CHST12: variants seen among roughly 807,000 people sequenced by gnomAD.
The protein encoded by CHST12 is carbohydrate (chondroitin 4) sulfotransferase 12.
CHST12 carries 23 observed loss-of-function variants against 27.9 expected under a neutral mutation model. That is an observed-to-expected ratio of 0.82 (90% CI 0.59 to 1.17). The LOEUF is 1.17. Ranked by LOEUF, CHST12 falls within the 50% of genes most tolerant of loss-of-function variation. The pLI, the probability that CHST12 is intolerant of heterozygous loss-of-function variation, is 0.00. For synonymous variants in CHST12, 322 were observed against 273.0 expected (o/e 1.18, Z -1.77); for missense variants, 682 against 603.0 (o/e 1.13, Z -1.37).
At chr7:2,406,134 G>T (rs879506396) in intron 1 of CHST12, among the ~76,000 whole-genome samples, 2 of 151,934 alleles carry the variant, frequency 1.3e-5, no homozygotes, top group African/African-American at 4.8e-5. Context: ...CTTGAGTTTC[G>T]ATTCTTAAGT....
rs551698446 is a variant in CHST12 at position 2,409,234 on chromosome 7, T to TCC, written c.-78+5562_-78+5563insCC. 1.9e-3 allele frequency among the ~76,000 whole-genome samples: 284 copies of TCC among 152,288 alleles called. 1 individual carries two copies. Among genetic ancestry groups the TCC allele is most frequent in the Middle Eastern group, 3.4e-3 (1 of 294 alleles). The stretch of plus-strand genomic sequence containing the variant: ...GAGGAGAGCGCTGCATTTTCGCCTG[T>TCC]CGCCTTGGGAAGTCAGTCGCTAATG... On this transcript the variant is annotated intron_variant, in intron 1 of 1. Transcript: ENST00000618655.
chr7:2,432,617 G>C lies in CHST12; in HGVS notation c.-23G>C. On this transcript the variant is annotated 5_prime_UTR_variant, in exon 2 of 2. Coordinates refer to ENST00000618655, the MANE Select transcript of CHST12 (RefSeq NM_018641.5). ...GAAGCTGAAGTGAGAGGCCCGGAGAGGGCCCAGCCCGCCCGGGGCAGGATG... is the reference window on the plus strand; with the variant it reads ...GAAGCTGAAGTGAGAGGCCCGGAGACGGCCCAGCCCGCCCGGGGCAGGATG... 6.3e-7 allele frequency: 1 copy of C among 1,592,160 alleles called. No individual in the cohort carries two copies. The highest frequency in any genetic ancestry group is 8.6e-7 in the Non-Finnish European group (1 of 1,165,720).
At position 2,438,798 on chromosome 7, in the gene CHST12, C is replaced by G. The variant is rs552804636; in HGVS notation, c.*4914C>G. The stretch of plus-strand genomic sequence containing the variant: ...AGGAGGGCTGAGTCAGGCCTCCCTA[C>G]CCAGGCCCAAGGGCAGATGCACCTG... On this transcript the variant is annotated 3_prime_UTR_variant, in exon 2 of 2. Transcript: ENST00000618655. 6 of 152,402 alleles carry G rather than the reference C, an allele frequency of 3.9e-5. No individual in the cohort carries two copies. In the South Asian group the frequency reaches 1.2e-3, roughly 32 times the overall value. 9.4% of individuals were successfully genotyped at this position (152,402 alleles called of 1,614,324 possible). A position where few individuals can be genotyped will look rare whatever the true frequency, so the allele number is the denominator to read the frequency against.
rs947328469 is a variant in CHST12 at position 2,417,102 on chromosome 7, G to C, written c.-78+13429G>C. On this transcript the variant is annotated intron_variant, in intron 1 of 1. Coordinates refer to ENST00000618655, the MANE Select transcript of CHST12 (RefSeq NM_018641.5). ...GAAATTGGCTCACACAATTACGGAG[G>C]CTGAGAAATTCAGACCCTGGAGAGC... is the stretch of plus-strand genomic sequence containing the variant. 4.6e-5 allele frequency among the ~76,000 whole-genome samples: 7 copies of C among 152,096 alleles called. No individual in the cohort carries two copies. The East Asian group carries it at 1.3e-3, about 29-fold the overall frequency.
rs1441079940 is a variant in CHST12 at position 2,447,655 on chromosome 7, T to A, written c.*13771T>A. ...GCCCAGCTAATTTTTGTATTTTTAGTAGAGATGAGGTTTCACCATGTTGGC... is the reference window on the plus strand; with the variant it reads ...GCCCAGCTAATTTTTGTATTTTTAGAAGAGATGAGGTTTCACCATGTTGGC... On this transcript the variant is annotated 3_prime_UTR_variant, in exon 2 of 2. Coordinates refer to ENST00000618655, the MANE Select transcript of CHST12 (RefSeq NM_018641.5). 6.6e-6 allele frequency: 1 copy of A among 152,098 alleles called. No individual in the cohort carries two copies. Among genetic ancestry groups the A allele is most frequent in the Non-Finnish European group, 1.5e-5 (1 of 68,048 alleles). The allele number at this position is 152,098 out of a possible 1,614,324, so 9.4% of individuals were successfully genotyped here.
rs147174804 is a variant in CHST12, at chr7:2,435,039, G to C, written c.*1155G>C. 198 of 152,148 alleles carry C rather than the reference G, an allele frequency of 1.3e-3. 1 individual carries two copies. The highest frequency in any genetic ancestry group is 4.6e-3 in the African/African-American group (190 of 41,478). 9.4% of individuals were successfully genotyped at this position (152,148 alleles called of 1,614,324 possible). A position where few individuals can be genotyped will look rare whatever the true frequency, so the allele number is the denominator to read the frequency against. ...AAGATCAGTTTGGACCACATAGCGA[G>C]ACCCTGTGTCTACAAAAAATAAGAA... On this transcript the variant is annotated 3_prime_UTR_variant, in exon 2 of 2. Coordinates refer to ENST00000618655, the MANE Select transcript of CHST12 (RefSeq NM_018641.5).
At chr7:2,421,438 CT>C (rs566799688) in intron 1 of CHST12, among the ~76,000 whole-genome samples, 1,870 of 127,172 alleles carry the variant, frequency 0.015, 10 homozygotes, top group Non-Finnish European at 0.019. Context: ...TTTTTTTTTA[CT>C]TTTTTTTTTT....
chr7:2,426,316 C>T (rs966408805), intron 1 of CHST12, among the ~76,000 whole-genome samples: 5 of 152,272 alleles, frequency 3.3e-5, no homozygotes, highest in African/African-American at 4.8e-5. Flanking sequence ...GAGATTCACT[C>T]GGTATTGACT....
At chr7:2,413,235 G>A (rs1289590284) in intron 1 of CHST12, among the ~76,000 whole-genome samples, 2 of 152,150 alleles carry the variant, frequency 1.3e-5, no homozygotes, top group Non-Finnish European at 2.9e-5. Context: ...CAGTCCCTCC[G>A]TGTCTGTGCG....
intron 1 of CHST12, among the ~76,000 whole-genome samples, chr7:2,415,618 C>CTTTT (rs540084839): frequency 7.1e-6 from 1 of 140,796 alleles, no homozygotes; most frequent in South Asian, 2.4e-4. Context: ...TTTCTTTTTT[C>CTTTT]TTTTTTTTTT....
intron 1 of CHST12, among the ~76,000 whole-genome samples, chr7:2,409,360 A>G (rs1781605516): frequency 6.6e-6 from 1 of 152,178 alleles, no homozygotes; most frequent in South Asian, 2.1e-4. Flanking sequence ...CGCACCTGTA[A>G]TCCCAGCACT....
rs1782585226 is a variant in CHST12, at chr7:2,440,807, G to A, written c.*6923G>A. 6.6e-6 allele frequency: 1 copy of A among 152,192 alleles called. No homozygotes were observed. The highest frequency in any genetic ancestry group is 1.5e-5 in the Non-Finnish European group (1 of 68,022). 9.4% of individuals were successfully genotyped at this position (152,192 alleles called of 1,614,324 possible). A position where few individuals can be genotyped will look rare whatever the true frequency, so the allele number is the denominator to read the frequency against. ...GGTTGCACAATCCTGTGTCATTCTGGATTTATCTTGGGGTCGGGAGTCAAC... is the reference window on the plus strand; with the variant it reads ...GGTTGCACAATCCTGTGTCATTCTGAATTTATCTTGGGGTCGGGAGTCAAC... On this transcript the variant is annotated 3_prime_UTR_variant, in exon 2 of 2. Coordinates refer to ENST00000618655, the MANE Select transcript of CHST12 (RefSeq NM_018641.5).
At chr7:2,430,031 C>T (rs1403991428) in intron 1 of CHST12, among the ~76,000 whole-genome samples, 1 of 152,148 alleles carries the variant, frequency 6.6e-6, no homozygotes, top group African/African-American at 2.4e-5. Context: ...GACCCTCTCG[C>T]CTCGGCTTCC....
Position 2,433,327 on chromosome 7 carries a change from C to A in CHST12, c.688C>A (p.Leu230Ile). The change falls in exon 2 of 2, where the codon CTC (leucine) becomes ATC (isoleucine). Residue 230 changes from leucine (L) to isoleucine (I), a missense_variant. By Grantham distance (5) the Leu-to-Ile change is conservative. Coordinates refer to ENST00000618655, the MANE Select transcript of CHST12 (RefSeq NM_018641.5). The surrounding 1 kb of genome is among the most constrained non-coding windows in gnomAD (Gnocchi z 6.1). ...WRRYGKLSRH[L>I]MKVKLKKYTK... ...CCGCTACGGGAAGCTCTCCCGCCAC[C>A]TCATGAAGGTCAAGCTCAAGAAGTA... The A allele has an allele frequency of 6.2e-7, 1 of 1,612,862 alleles. No homozygotes were observed.
chr7:2,406,095 CTTGT>C (rs930757730), intron 1 of CHST12, among the ~76,000 whole-genome samples: 12 of 152,118 alleles, frequency 7.9e-5, no homozygotes, highest in African/African-American at 2.7e-4. Flanking sequence ...ACACATGCGG[CTTGT>C]TTGTCATTTA....
intron 1 of CHST12, among the ~76,000 whole-genome samples, chr7:2,424,078 G>T (rs1479841454): frequency 6.6e-6 from 1 of 152,008 alleles, no homozygotes; most frequent in Non-Finnish European, 1.5e-5. Flanking sequence ...TTAAGGCTGG[G>T]CACAATGGCT....
Position 2,434,611 on chromosome 7 carries a change from AAAAAATG to A in CHST12, c.*729_*735del, listed in dbSNP as rs1417196512. On this transcript the variant is annotated 3_prime_UTR_variant, in exon 2 of 2. Transcript: ENST00000618655. ...AAAAAAAAAAAAAAAAAAAAAAAAA[AAAAAATG>A]AGTCGGGTGTGGTGGTGTGCACCTG... is the stretch of plus-strand genomic sequence containing the variant. 3.0e-4 allele frequency: 44 copies of A among 146,820 alleles called. No individual in the cohort carries two copies. Among genetic ancestry groups the A allele is most frequent in the African/African-American group, 9.7e-4 (35 of 35,936 alleles). The allele number at this position is 146,820 out of a possible 1,614,324, so 9.1% of individuals were successfully genotyped here.
At chr7:2,408,501 A>G (rs779655084) in intron 1 of CHST12, among the ~76,000 whole-genome samples, 13 of 152,208 alleles carry the variant, frequency 8.5e-5, no homozygotes, top group Non-Finnish European at 1.6e-4. Context: ...AGAAGGTTAG[A>G]ACATGTGGAA....
chr7:2,413,292 G>C (rs746148568), intron 1 of CHST12, among the ~76,000 whole-genome samples: 1 of 152,216 alleles, frequency 6.6e-6, no homozygotes, highest in Non-Finnish European at 1.5e-5. Context: ...ATTGGTGAGA[G>C]CTGGGCCATT....
Sources: gnomAD v4.1 joint callset for allele counts (sites outside exome capture counted in the v4.1 genomes callset) on GRCh38, gnomAD v4.1.1 for gene constraint, Gnocchi (gnomAD v3.1) non-coding constraint, MANE v1.5 for transcripts, NCBI Gene and HGNC (gene_info 2026-07-23, HGNC 2026-07-21) for gene names.